PPP2CA: variants seen among roughly 807,000 people sequenced by gnomAD.
The protein encoded by PPP2CA is protein phosphatase 2 catalytic subunit alpha.
A neutral mutation model predicts 38.8 loss-of-function variants in PPP2CA; 5 were observed. The observed-to-expected ratio is 0.13, with a 90% confidence interval of 0.07 to 0.27. The LOEUF (loss-of-function observed/expected upper bound fraction) is 0.27, where lower values mean the gene tolerates loss of function less well. Ranked by LOEUF, PPP2CA falls within the 10% of genes least tolerant of loss-of-function variation. The pLI is 1.00. For missense variants in PPP2CA, 88 were observed against 389.7 expected, an observed-to-expected ratio of 0.23 and a Z score of 6.52; for synonymous variants, 152 against 134.0, an observed-to-expected ratio of 1.13 and a Z score of -0.93.
chr5:134,212,208 T>C (rs1196013150), intron 1 of PPP2CA, among the ~76,000 whole-genome samples: 2 of 152,210 alleles, frequency 1.3e-5, no homozygotes, highest in African/African-American at 4.8e-5. Flanking sequence ...TATGTTGCAT[T>C]TTTTTAATCA....
At chr5:134,202,217 A>G in intron 2 of PPP2CA, 196 bp from the exon 3 acceptor site, 1 of 493,012 alleles carries the variant, frequency 2.0e-6, no homozygotes, top group Non-Finnish European at 3.5e-6. Flanking sequence ...CCTCATCTCA[A>G]CTAAAATCAA....
intron 1 of PPP2CA, among the ~76,000 whole-genome samples, chr5:134,221,022 A>G (rs1013838579): frequency 2.6e-5 from 4 of 152,202 alleles, no homozygotes; most frequent in African/African-American, 9.7e-5. Flanking sequence ...ACTCCAAACT[A>G]ACTGCATTAC....
intron 1 of PPP2CA, among the ~76,000 whole-genome samples, chr5:134,210,229 A>G (rs1182421514): frequency 2.0e-5 from 3 of 152,188 alleles, no homozygotes; most frequent in Non-Finnish European, 4.4e-5. Context: ...GAGCCTCCAG[A>G]CCTTTAGCAA....
intron 1 of PPP2CA, among the ~76,000 whole-genome samples, chr5:134,212,873 G>C (rs1762231161): frequency 6.6e-6 from 1 of 152,164 alleles, no homozygotes; most frequent in African/African-American, 2.4e-5. Context: ...CTAATTCAGA[G>C]GTAGGTCCTA....
Position 134,197,596 on chromosome 5 carries a change from A to G in PPP2CA, c.*176T>C, listed in dbSNP as rs534779008. ...TGAACTGGTTCATTCTAAAGTGGTC[A>G]CGGCTGTTGATGACAAGAGGCTTTG... On this transcript the variant is annotated 3_prime_UTR_variant, in exon 7 of 7. Coordinates refer to ENST00000481195, the MANE Select transcript of PPP2CA (RefSeq NM_002715.4). 3 of 596,714 alleles carry G rather than the reference A, an allele frequency of 5.0e-6. No homozygotes were observed. In the South Asian group the frequency reaches 6.3e-5, roughly 13 times the overall value. The allele number at this position is 596,714 out of a possible 1,614,324, so 37.0% of individuals were successfully genotyped here. A position where few individuals can be genotyped will look rare whatever the true frequency, so the allele number is the denominator to read the frequency against.
At chr5:134,199,869 T>G (rs1449310205) in intron 5 of PPP2CA, among the ~76,000 whole-genome samples, 1 of 152,244 alleles carries the variant, frequency 6.6e-6, no homozygotes, top group Non-Finnish European at 1.5e-5. Context: ...GGACCTTATT[T>G]TAAAAATATT....
intron 1 of PPP2CA, among the ~76,000 whole-genome samples, chr5:134,215,157 G>C (rs1762290144): frequency 6.7e-6 from 1 of 149,594 alleles, no homozygotes; most frequent in Non-Finnish European, 1.5e-5. Context: ...GAGTGCTGTA[G>C]CATGATCACA....
At chr5:134,224,284 C>T (rs1257624009) in intron 1 of PPP2CA, 3 of 455,656 alleles carry the variant, frequency 6.6e-6, no homozygotes, top group African/African-American at 2.0e-5. Context: ...GGTAAAGAAA[C>T]AGGAGATTCA....
At chr5:134,202,337 TCAC>T (rs1234743680) in intron 2 of PPP2CA, 2 of 227,124 alleles carry the variant, frequency 8.8e-6, no homozygotes, top group Non-Finnish European at 8.5e-6. Context: ...TATGCAACAA[TCAC>T]CACAATCCAG....
At chr5:134,206,208 A>T in intron 1 of PPP2CA, 77 bp from the exon 2 acceptor site, 3 of 1,278,458 alleles carry the variant, frequency 2.3e-6, no homozygotes, top group Non-Finnish European at 3.3e-6. Flanking sequence ...ACTTACACTT[A>T]ATGTAGCTTA....
At chr5:134,210,823 G>GA (rs888325199) in intron 1 of PPP2CA, among the ~76,000 whole-genome samples, 5 of 151,414 alleles carry the variant, frequency 3.3e-5, no homozygotes, top group East Asian at 3.9e-4. Context: ...TCCCAAAAAA[G>GA]AAAAAAAAGA....
At chr5:134,211,142 G>A (rs1483625507) in intron 1 of PPP2CA, among the ~76,000 whole-genome samples, 1 of 151,432 alleles carries the variant, frequency 6.6e-6, no homozygotes, top group East Asian at 1.9e-4. Context: ...TGTCCAGGCT[G>A]CAGTGCGGCA....
chr5:134,196,652 A>G lies in PPP2CA; in HGVS notation c.*1120T>C, dbSNP rs1761858119. On this transcript the variant is annotated 3_prime_UTR_variant, in exon 7 of 7. Transcript: ENST00000481195. Reference sequence around the variant, plus strand: ...TGCCAATCTGTCAATCATTTTAAAGAGTCCATATAATATACACATAGCAAT... The same window carrying G: ...TGCCAATCTGTCAATCATTTTAAAGGGTCCATATAATATACACATAGCAAT... 1 of 151,206 alleles carries G rather than the reference A, an allele frequency of 6.6e-6. No homozygotes were observed. The highest frequency in any genetic ancestry group is 1.5e-5 in the Non-Finnish European group (1 of 68,044). 9.4% of individuals were successfully genotyped at this position (151,206 alleles called of 1,614,324 possible). A position where few individuals can be genotyped will look rare whatever the true frequency, so the allele number is the denominator to read the frequency against.
At chr5:134,225,539 T>A in intron 1 of PPP2CA, 1 of 483,280 alleles carries the variant, frequency 2.1e-6, no homozygotes, top group Non-Finnish European at 3.7e-6. Context: ...AGGAGTCGAG[T>A]GAACGGCGCC....
intron 1 of PPP2CA, among the ~76,000 whole-genome samples, chr5:134,222,846 C>T (rs1762474192): frequency 6.6e-6 from 1 of 152,158 alleles, no homozygotes; most frequent in South Asian, 2.1e-4. Flanking sequence ...CACTAACAAC[C>T]TTGGCTTTTG....
At chr5:134,220,001 G>T (rs1460551290) in intron 1 of PPP2CA, among the ~76,000 whole-genome samples, 1 of 109,210 alleles carries the variant, frequency 9.2e-6, no homozygotes, top group African/African-American at 3.7e-5. Context: ...ACAGAGCGAG[G>T]CTCCGTATCA....
chr5:134,197,975 T>G (rs1761890023), intron 6 of PPP2CA, 131 bp from the exon 7 acceptor site: 1 of 723,660 alleles, frequency 1.4e-6, no homozygotes, highest in African/African-American at 1.7e-5. Context: ...TAACAGAACC[T>G]TAATGATAAT....
At chr5:134,209,539 C>T (rs940170176) in intron 1 of PPP2CA, among the ~76,000 whole-genome samples, 2 of 151,944 alleles carry the variant, frequency 1.3e-5, no homozygotes, top group African/African-American at 4.8e-5. Context: ...CAATACTTTG[C>T]GAGGCTGAGG....
intron 1 of PPP2CA, 40 bp downstream of exon 1, chr5:134,225,720 C>A: frequency 6.4e-7 from 1 of 1,570,432 alleles, no homozygotes; most frequent in Admixed American, 1.7e-5. Context: ...TCGGCGGGCT[C>A]GGCCCCGCGG....
Sources: gnomAD v4.1 joint callset for allele counts (sites outside exome capture counted in the v4.1 genomes callset) on GRCh38, gnomAD v4.1.1 for gene constraint, MANE v1.5 for transcripts, NCBI Gene and HGNC (gene_info 2026-07-23, HGNC 2026-07-21) for gene names.